The following ORC5 variants were observed in gnomAD, a reference collection of about 807,000 sequenced individuals.
ORC5 encodes protein phosphatase 1, regulatory subunit 117.
ORC5 carries 39 observed loss-of-function variants against 58.8 expected under a neutral mutation model. The observed-to-expected ratio is 0.66, with a 90% confidence interval of 0.51 to 0.87. ORC5 has a LOEUF of 0.87. Among genes scored for constraint, ORC5 ranks in the 40% least tolerant of loss-of-function variants. The pLI is 0.00. For missense variants in ORC5, 493 were observed against 506.3 expected (o/e 0.97, Z 0.25); for synonymous variants, 218 against 177.6 (o/e 1.23, Z -1.81).
At chr7:104,187,338 C>T (rs77701664) in intron 6 of ORC5, among the ~76,000 whole-genome samples, 1 of 152,082 alleles carries the variant, frequency 6.6e-6, no homozygotes, top group African/African-American at 2.4e-5. Flanking sequence ...CAGAGGAGCC[C>T]TGAAATCTGA....
At chr7:104,161,799 T>A (rs115676561) in intron 11 of ORC5, among the ~76,000 whole-genome samples, 2,247 of 152,270 alleles carry the variant, frequency 0.015, 59 homozygotes, top group African/African-American at 0.051. Context: ...TGCCTCCTAT[T>A]TTACTGTTAT....
intron 2 of ORC5, 47 bp from the exon 3 acceptor site, chr7:104,201,005 A>G (rs557555666): frequency 1.3e-6 from 2 of 1,483,364 alleles, no homozygotes; most frequent in African/African-American, 2.8e-5. Context: ...AAAACACACA[A>G]ACACAATAAT....
chr7:104,145,757 T>C lies in ORC5; in HGVS notation c.1150-8864A>G, dbSNP rs138152226. Among the ~76,000 whole-genome samples, 622 of 152,188 alleles carry C rather than the reference T, an allele frequency of 4.1e-3. 5 individuals carry two copies. The highest frequency in any genetic ancestry group is 0.014 in the African/African-American group (587 of 41,514). ...GTGGGCTGCTTAGGGACCCTAGGGC[T>C]ACAGAAACAATATAGAGGGTGCGAG... On this transcript the variant is annotated intron_variant, in intron 12 of 13. Transcript: ENST00000297431.
intron 12 of ORC5, among the ~76,000 whole-genome samples, chr7:104,148,174 T>A (rs1189849157): frequency 6.6e-6 from 1 of 152,182 alleles, no homozygotes; most frequent in Non-Finnish European, 1.5e-5. Flanking sequence ...AAATCTCTCT[T>A]TTCCAGACGA....
intron 8 of ORC5, among the ~76,000 whole-genome samples, chr7:104,182,562 G>A (rs1364909868): frequency 6.6e-6 from 1 of 151,812 alleles, no homozygotes; most frequent in African/African-American, 2.4e-5. Flanking sequence ...GATGATAAAC[G>A]GATTGGTTAC....
At chr7:104,172,028 C>A (rs1200839553) in intron 8 of ORC5, among the ~76,000 whole-genome samples, 1 of 152,192 alleles carries the variant, frequency 6.6e-6, no homozygotes, top group Non-Finnish European at 1.5e-5. Flanking sequence ...CTTGTCCCAA[C>A]AATCTTCTCT....
At position 104,197,044 on chromosome 7, in the gene ORC5, T is replaced by C. The variant is rs75133733; in HGVS notation, c.441+681A>G. Reference sequence around the variant, plus strand: ...TAAGTCCGCCCCTGTCCTTTTCTTATTGGGCCATGACATTCACAGTAGAAT... The same window carrying C: ...TAAGTCCGCCCCTGTCCTTTTCTTACTGGGCCATGACATTCACAGTAGAAT... On this transcript the variant is annotated intron_variant, in intron 4 of 13. Coordinates refer to ENST00000297431, the MANE Select transcript of ORC5 (RefSeq NM_002553.4). 1.1e-3 allele frequency among the ~76,000 whole-genome samples: 168 copies of C among 152,324 alleles called. 1 individual carries two copies. Among genetic ancestry groups the C allele is most frequent in the African/African-American group, 3.7e-3 (154 of 41,574 alleles).
chr7:104,165,289 T>G lies in ORC5; in HGVS notation c.991-7A>C, dbSNP rs769332283. On this transcript the variant is annotated splice_region_variant and splice_polypyrimidine_tract_variant and intron_variant, in intron 10 of 13. Coordinates refer to ENST00000297431, the MANE Select transcript of ORC5 (RefSeq NM_002553.4). Reference sequence around the variant, plus strand: ...TCTTGATTTTTCCATGATGCTGCAATTAAGGAAAACAAATTTTAAGTTGAA... The same window carrying G: ...TCTTGATTTTTCCATGATGCTGCAAGTAAGGAAAACAAATTTTAAGTTGAA... 2 of 1,512,320 alleles carry G rather than the reference T, an allele frequency of 1.3e-6. No individual in the cohort carries two copies. The highest frequency in any genetic ancestry group is 2.4e-5 in the South Asian group (2 of 83,654). The allele number at this position is 1,512,320 out of a possible 1,614,324, so 93.7% of individuals were successfully genotyped here. A position where few individuals can be genotyped will look rare whatever the true frequency, so the allele number is the denominator to read the frequency against.
At chr7:104,195,028 GA>G (rs1350357824) in intron 5 of ORC5, 114 bp downstream of exon 5, 1 of 544,116 alleles carries the variant, frequency 1.8e-6, no homozygotes, top group Non-Finnish European at 3.2e-6. Flanking sequence ...ATTCCCATTT[GA>G]ATATCAAATG....
intron 1 of ORC5, among the ~76,000 whole-genome samples, chr7:104,205,107 T>TTTTTTTTTTG (rs1800045808): frequency 6.8e-6 from 1 of 147,768 alleles, no homozygotes; most frequent in African/African-American, 2.5e-5. Context: ...TTTTTTTTTT[T>TTTTTTTTTTG]GAGATGGAGT....
intron 8 of ORC5, among the ~76,000 whole-genome samples, chr7:104,171,347 T>C (rs1799207483): frequency 6.6e-6 from 1 of 152,234 alleles, no homozygotes; most frequent in Admixed American, 6.5e-5. Context: ...ATGTTTGGCT[T>C]GGTCAGTAAT....
intron 5 of ORC5, among the ~76,000 whole-genome samples, chr7:104,190,556 A>C (rs562283196): frequency 3.5e-4 from 44 of 124,888 alleles, no homozygotes; most frequent in Non-Finnish European, 5.6e-4. Context: ...GCTGGAAATA[A>C]TCATATTTTA....
Position 104,168,519 on chromosome 7 carries a change from C to G in ORC5, c.831G>C (p.Gln277His). ...TVYLREISSS[Q>H]WEKLQKDDTD... ...TGTCATCTTTCTGTAGCTTTTCCCA[C>G]TGGGAACTGAAAAAAAATAGAAGAG... is the stretch of plus-strand genomic sequence containing the variant. The change falls in exon 9 of 14, where the codon CAG (glutamine) becomes CAC (histidine). Residue 277 changes from glutamine to histidine, a missense_variant. Physicochemically the swap from Gln to His is conservative, Grantham distance 24. Around this residue, in one of 3 missense-constraint regions of ORC5, gnomAD observed 412 missense variants for 403.7 expected, o/e 1.02. Coordinates refer to ENST00000297431, the MANE Select transcript of ORC5 (RefSeq NM_002553.4). The G allele has an allele frequency of 6.4e-7, 1 of 1,553,930 alleles. No individual in the cohort carries two copies.
intron 2 of ORC5, 123 bp from the exon 3 acceptor site, chr7:104,201,081 C>T (rs74633275): frequency 1.4e-6 from 1 of 718,572 alleles, no homozygotes. Flanking sequence ...CCCCATGCCC[C>T]AAGAGCCTGA....
intron 12 of ORC5, among the ~76,000 whole-genome samples, chr7:104,158,756 T>C (rs1007004468): frequency 3.3e-5 from 5 of 151,364 alleles, no homozygotes; most frequent in African/African-American, 7.3e-5. Flanking sequence ...ATCAGAGAAA[T>C]GCAAATCAAA....
At chr7:104,194,430 G>A (rs985008113) in intron 5 of ORC5, among the ~76,000 whole-genome samples, 5 of 151,986 alleles carry the variant, frequency 3.3e-5, no homozygotes, top group African/African-American at 1.2e-4. Flanking sequence ...TGAATCCCAA[G>A]TATCATCTCT....
chr7:104,176,577 A>G (rs940106850), intron 8 of ORC5, among the ~76,000 whole-genome samples: 1 of 152,134 alleles, frequency 6.6e-6, no homozygotes, highest in East Asian at 1.9e-4. Flanking sequence ...CCTAAGCTCT[A>G]AAAGGGAGGG....
intron 11 of ORC5, among the ~76,000 whole-genome samples, chr7:104,164,129 G>A (rs560853021): frequency 4.1e-4 from 63 of 152,108 alleles, no homozygotes; most frequent in Non-Finnish European, 7.6e-4. Context: ...TTAAAAATTC[G>A]AGACATTAGG....
chr7:104,182,173 A>G (rs184479279), intron 8 of ORC5, among the ~76,000 whole-genome samples: 15 of 152,328 alleles, frequency 9.8e-5, no homozygotes, highest in African/African-American at 3.1e-4. Context: ...TTGAAGCTAG[A>G]TGAATTTTAA....
Sources: gnomAD v4.1 joint callset for allele counts (sites outside exome capture counted in the v4.1 genomes callset) on GRCh38, gnomAD v4.1.1 for gene constraint, gnomAD v4.1.1 regional missense constraint, MANE v1.5 for transcripts, NCBI Gene and HGNC (gene_info 2026-07-23, HGNC 2026-07-21) for gene names.